The following CDH7 variants were observed in gnomAD, a reference collection of about 807,000 sequenced individuals.
CDH7 encodes cadherin-7.
A neutral mutation model predicts 71.8 loss-of-function variants in CDH7; 25 were observed. The observed-to-expected ratio is 0.35, with a 90% CI of 0.25 to 0.49. CDH7 has a LOEUF of 0.49. CDH7 is among the 20% of genes least tolerant of loss of function. The pLI is 0.99. For missense variants in CDH7, 862 were observed against 974.6 expected, an observed-to-expected ratio of 0.88 and a Z score of 1.54; for synonymous variants, 381 against 363.8, an observed-to-expected ratio of 1.05 and a Z score of -0.54.
At chr18:65,826,939 TAATA>T (rs1912154572) in intron 6 of CDH7, among the ~76,000 whole-genome samples, 1 of 151,634 alleles carries the variant, frequency 6.6e-6, no homozygotes, top group Non-Finnish European at 1.5e-5. Flanking sequence ...ATATTCTATT[TAATA>T]AATTATGATT....
intron 1 of CDH7, among the ~76,000 whole-genome samples, chr18:65,755,549 G>A (rs574996575): frequency 3.3e-5 from 5 of 152,146 alleles, no homozygotes; most frequent in African/African-American, 9.7e-5. Flanking sequence ...GTTGTGGTTC[G>A]AAATGAAGTG....
At chr18:65,862,116 A>G (rs1015040951) in intron 10 of CDH7, among the ~76,000 whole-genome samples, 6 of 152,228 alleles carry the variant, frequency 3.9e-5, no homozygotes, top group Non-Finnish European at 7.4e-5. Flanking sequence ...TAGAGTAGCT[A>G]TAAATACCTA....
chr18:65,877,401 A>G (rs1914102670), intron 11 of CDH7, among the ~76,000 whole-genome samples: 1 of 151,988 alleles, frequency 6.6e-6, no homozygotes, highest in Admixed American at 6.6e-5. Context: ...GATATATACT[A>G]TATATAGCAA....
intron 6 of CDH7, among the ~76,000 whole-genome samples, chr18:65,834,854 C>T (rs1912478706): frequency 6.6e-6 from 1 of 152,220 alleles, no homozygotes; most frequent in South Asian, 2.1e-4. Flanking sequence ...CTGACAAAAA[C>T]TGGTCACCAA....
At position 65,814,821 on chromosome 18, in the gene CDH7, T is replaced by C. The variant is rs138703946; in HGVS notation, c.625+217T>C. The stretch of plus-strand genomic sequence containing the variant: ...ATCTTAACAAAGTTAAAAATAATGC[T>C]ATATATTCAAAAGTATTTCAGCTTC... On this transcript the variant is annotated intron_variant, in intron 4 of 11. Coordinates refer to ENST00000397968, the MANE Select transcript of CDH7 (RefSeq NM_004361.5). Among the ~76,000 whole-genome samples the C allele has an allele frequency of 6.3e-3, 952 of 151,976 alleles. 11 individuals are homozygous for C. The highest frequency in any genetic ancestry group is 0.021 in the African/African-American group (877 of 41,392).
chr18:65,821,555 T>C (rs8085885), intron 4 of CDH7, among the ~76,000 whole-genome samples: 3,637 of 152,234 alleles, frequency 0.024, 61 homozygotes, highest in African/African-American at 0.037. Flanking sequence ...TAAGTGTAAT[T>C]TGAATGCCTA....
chr18:65,847,026 G>GTACTCA (rs3061826), intron 7 of CDH7, among the ~76,000 whole-genome samples: 134,564 of 151,786 alleles, frequency 0.89, 61,919 homozygotes, highest in East Asian at 1. Flanking sequence ...AGGTTGTCTT[G>GTACTCA]TACTCACGCG....
intron 4 of CDH7, among the ~76,000 whole-genome samples, chr18:65,819,563 A>G (rs557081669): frequency 1.3e-5 from 2 of 152,190 alleles, no homozygotes; most frequent in South Asian, 2.1e-4. Context: ...GTCTCATTGT[A>G]TGGTTTTAGA....
chr18:65,778,666 C>CTTT (rs138374389), intron 2 of CDH7, among the ~76,000 whole-genome samples: 1 of 146,276 alleles, frequency 6.8e-6, no homozygotes, highest in African/African-American at 2.5e-5. Context: ...AGTTTATTTT[C>CTTT]TTTTTTTTTG....
chr18:65,842,012 T>G (rs1437310145), intron 6 of CDH7, among the ~76,000 whole-genome samples: 2 of 152,194 alleles, frequency 1.3e-5, no homozygotes, highest in African/African-American at 4.8e-5. Flanking sequence ...ATTAAAACTT[T>G]TTTGTTCTGC....
intron 1 of CDH7, among the ~76,000 whole-genome samples, chr18:65,754,439 A>G (rs966380464): frequency 3.9e-5 from 6 of 152,346 alleles, no homozygotes; most frequent in African/African-American, 1.4e-4. Context: ...GTCACATATC[A>G]CAGAGAGTCC....
chr18:65,809,263 T>TG (rs955859779), intron 2 of CDH7, among the ~76,000 whole-genome samples: 3 of 152,112 alleles, frequency 2.0e-5, no homozygotes, highest in African/African-American at 2.4e-5. Context: ...TTAAATAATA[T>TG]GGGGGTTTCT....
Position 65,782,810 on chromosome 18 carries a change from C to T in CDH7, c.210+19758C>T, listed in dbSNP as rs1354420945. Among the ~76,000 whole-genome samples, 6 of 152,244 alleles carry T rather than the reference C, an allele frequency of 3.9e-5. No individual in the cohort carries two copies. The East Asian group carries it at 9.6e-4, about 24-fold the overall frequency. ...ACACTATAACTAATGCCTGGAAAAG[C>T]TCATTTAACATACATGTTTCTTCCC... On this transcript the variant is annotated intron_variant, in intron 2 of 11. Transcript: ENST00000397968.
intron 11 of CDH7, among the ~76,000 whole-genome samples, chr18:65,877,709 T>C (rs542579282): frequency 6.6e-6 from 1 of 152,172 alleles, no homozygotes; most frequent in South Asian, 2.1e-4. Context: ...CATGCTTTAC[T>C]TAATTTGATT....
chr18:65,861,925 T>G (rs1913578310), intron 10 of CDH7, among the ~76,000 whole-genome samples: 1 of 152,150 alleles, frequency 6.6e-6, no homozygotes, highest in African/African-American at 2.4e-5. Flanking sequence ...TAAGACAAGT[T>G]AGTTGGAAAA....
chr18:65,815,183 T>C (rs190387669), intron 4 of CDH7, among the ~76,000 whole-genome samples: 3 of 152,296 alleles, frequency 2.0e-5, no homozygotes, highest in Admixed American at 6.5e-5. Flanking sequence ...TCTGTTTTGC[T>C]TTTATGTAAG....
chr18:65,878,801 G>C (rs1914139941), intron 11 of CDH7, among the ~76,000 whole-genome samples: 1 of 152,142 alleles, frequency 6.6e-6, no homozygotes, highest in African/African-American at 2.4e-5. Flanking sequence ...GGATATCTGT[G>C]CCAATGCAGC....
intron 7 of CDH7, among the ~76,000 whole-genome samples, chr18:65,856,718 C>T (rs557713032): frequency 2.0e-5 from 3 of 152,000 alleles, no homozygotes; most frequent in Admixed American, 6.6e-5. Flanking sequence ...TTTGTTCTTT[C>T]GTTCATTTGT....
intron 11 of CDH7, among the ~76,000 whole-genome samples, chr18:65,874,534 C>T (rs529113796): frequency 1.4e-4 from 22 of 152,016 alleles, no homozygotes; most frequent in African/African-American, 4.1e-4. Context: ...GGAGAGTTGA[C>T]GGGGAGTAAG....
Sources: allele counts gnomAD v4.1 joint callset (sites outside exome capture counted in the v4.1 genomes callset), GRCh38; gene constraint gnomAD v4.1.1; transcripts MANE v1.5; gene names NCBI Gene and HGNC (gene_info 2026-07-23, HGNC 2026-07-21).